SLC12A8: variants seen among roughly 807,000 people sequenced by gnomAD.
SLC12A8 encodes the protein solute carrier family 12 member 8.
A neutral mutation model predicts 75.6 loss-of-function variants in SLC12A8; 69 were observed. The observed-to-expected ratio is 0.91, with a 90% CI of 0.75 to 1.11. SLC12A8 has a LOEUF of 1.11. Among genes scored for constraint, SLC12A8 ranks in the 50% most tolerant of loss-of-function variants. The pLI is 0.00. For synonymous variants in SLC12A8, 365 were observed against 372.8 expected (o/e 0.98, Z 0.24); for missense variants, 877 against 896.7 (o/e 0.98, Z 0.28).
Position 125,211,402 on chromosome 3 carries a change from G to A in SLC12A8, c.-45-8C>T. The A allele has an allele frequency of 6.8e-7, 1 of 1,460,136 alleles. No individual in the cohort carries two copies. Among genetic ancestry groups the A allele is most frequent in the South Asian group, 1.1e-5 (1 of 88,152 alleles). The allele number at this position is 1,460,136 out of a possible 1,614,324, so 90.4% of individuals were successfully genotyped here. ...CTGGACAGGGAGACTGCTCTGGAAG[G>A]TAACAGCATCCTTGGTCAGGCTGGC... On this transcript the variant is annotated splice_region_variant and splice_polypyrimidine_tract_variant and intron_variant, in intron 1 of 13. Transcript: ENST00000469902.
Position 125,190,500 on chromosome 3 carries a change from G to A in SLC12A8, c.73C>T (p.Pro25Ser), listed in dbSNP as rs1934890973. The A allele has an allele frequency of 6.8e-6, 11 of 1,614,166 alleles. No homozygotes were observed. Among genetic ancestry groups the A allele is most frequent in the Non-Finnish European group, 9.3e-6 (11 of 1,180,004 alleles). Residue 25 changes from proline (P) to serine (S), a missense_variant, in exon 3 of 14, where the codon CCC becomes TCC. Physicochemically the swap from Pro to Ser is moderately conservative, Grantham distance 74. Transcript: ENST00000469902. ...ATGAACAGCTGGGTCTTCCACCAGG[G>A]CTGGGGCTGGGCCAGGGCATCCTGC... ...AQQDALAQPQ[P>S]WWKTQLFMWE...
Position 125,083,821 on chromosome 3 carries a change from A to G in SLC12A8, c.*69T>C. On this transcript the variant is annotated 3_prime_UTR_variant, in exon 14 of 14. Coordinates refer to ENST00000469902, the MANE Select transcript of SLC12A8 (RefSeq NM_024628.6). ...TTTCTCAGGTTGGAGAAGCAGCTCC[A>G]CGAAGGTCCTGAGCTTGGGTCCACT... 6.7e-7 allele frequency: 1 copy of G among 1,484,862 alleles called. No individual in the cohort carries two copies. Among genetic ancestry groups the G allele is most frequent in the Non-Finnish European group, 9.2e-7 (1 of 1,092,750 alleles). 92.0% of individuals were successfully genotyped at this position (1,484,862 alleles called of 1,614,324 possible).
At chr3:125,119,017 T>C (rs560674476) in intron 7 of SLC12A8, 161 bp from the exon 8 acceptor site, 2 of 538,150 alleles carry the variant, frequency 3.7e-6, no homozygotes, top group East Asian at 6.2e-5. Flanking sequence ...ACACTTTTTG[T>C]ACTATTTCTC....
At chr3:125,090,217 G>C (rs922674425) in intron 12 of SLC12A8, among the ~76,000 whole-genome samples, 1 of 151,994 alleles carries the variant, frequency 6.6e-6, no homozygotes, top group Non-Finnish European at 1.5e-5. Flanking sequence ...GCTTATTCAA[G>C]GATTTTCTGA....
intron 13 of SLC12A8, among the ~76,000 whole-genome samples, chr3:125,086,810 C>T (rs1020004720): frequency 2.6e-5 from 4 of 152,172 alleles, no homozygotes; most frequent in African/African-American, 9.7e-5. Context: ...TCCCCATGCA[C>T]CCCAGCCTCC....
At chr3:125,140,285 T>C (rs1933597298) in intron 5 of SLC12A8, among the ~76,000 whole-genome samples, 1 of 152,160 alleles carries the variant, frequency 6.6e-6, no homozygotes, top group African/African-American at 2.4e-5. Context: ...ACTTGTACGA[T>C]GACTAACTGA....
At chr3:125,092,865 G>T (rs1471302190) in intron 10 of SLC12A8, among the ~76,000 whole-genome samples, 1 of 152,068 alleles carries the variant, frequency 6.6e-6, no homozygotes, top group African/African-American at 2.4e-5. Flanking sequence ...CTCCAGAAGC[G>T]CTCAATTTAA....
At position 125,187,337 on chromosome 3, in the gene SLC12A8, T is replaced by C. The variant is rs747382625; in HGVS notation, c.290A>G (p.Glu97Gly). 1 of 1,614,020 alleles carries C rather than the reference T, an allele frequency of 6.2e-7. No homozygotes were observed. Among genetic ancestry groups the C allele is most frequent in the Non-Finnish European group, 8.5e-7 (1 of 1,180,026 alleles). ...VTVLSGIGVG[E>G]RSSIGSGGVY... ...GCCACCGCTGCCGATGCTGCTGCGC[T>C]CCCCGACGCCAATGCCAGACAGCAC... The change falls in exon 4 of 14, where the codon GAG becomes GGG. Residue 97 changes from glutamate (E) to glycine (G), a missense_variant. Transcript: ENST00000469902.
chr3:125,164,172 G>A (rs1009191643), intron 5 of SLC12A8, among the ~76,000 whole-genome samples: 2 of 152,330 alleles, frequency 1.3e-5, no homozygotes, highest in South Asian at 2.1e-4. Flanking sequence ...AAAGGAAGCA[G>A]TAAGGAGTTC....
rs768737189 is a variant in SLC12A8, at chr3:125,092,130, T to C, written c.1774A>G (p.Met592Val). ...AACAGGGAGACCCAGGGGTTGCACA[T>C]GTGGGTATAGAAAGAAGTGGATCTT... ...WRRSTSFYTH[M>V]CNPWVSLLGA... The change falls in exon 11 of 14, where the codon ATG (methionine) becomes GTG (valine). Residue 592 changes from methionine (M) to valine (V), a missense_variant. By Grantham distance (21) the Met-to-Val change is conservative (BLOSUM62 1). Transcript: ENST00000469902. The C allele has an allele frequency of 3.1e-6, 5 of 1,612,322 alleles. No individual in the cohort carries two copies. Among genetic ancestry groups the C allele is most frequent in the Non-Finnish European group, 4.2e-6 (5 of 1,178,588 alleles).
intron 10 of SLC12A8, among the ~76,000 whole-genome samples, chr3:125,102,949 C>G (rs981281318): frequency 6.6e-6 from 1 of 152,090 alleles, no homozygotes; most frequent in Non-Finnish European, 1.5e-5. Context: ...CCAGGAAGCA[C>G]CACATCCCAT....
chr3:125,195,417 A>T (rs550637442), intron 2 of SLC12A8, among the ~76,000 whole-genome samples: 5 of 152,302 alleles, frequency 3.3e-5, no homozygotes, highest in African/African-American at 7.2e-5. Flanking sequence ...CAAGGATCCA[A>T]TTGGAGCCGT....
chr3:125,207,223 A>G (rs950518740), intron 2 of SLC12A8, among the ~76,000 whole-genome samples: 1 of 152,172 alleles, frequency 6.6e-6, no homozygotes, highest in Non-Finnish European at 1.5e-5. Context: ...ATAATTAGCC[A>G]GACTTTGGCC....
intron 2 of SLC12A8, among the ~76,000 whole-genome samples, chr3:125,195,595 G>GTTT (rs34837719): frequency 1.0e-3 from 148 of 147,352 alleles, no homozygotes; most frequent in Middle Eastern, 3.5e-3. Context: ...TCAATCTGTT[G>GTTT]TTTTTTTTTT....
chr3:125,150,230 T>C (rs1933886452), intron 5 of SLC12A8, among the ~76,000 whole-genome samples: 2 of 152,178 alleles, frequency 1.3e-5, no homozygotes, highest in Non-Finnish European at 2.9e-5. Context: ...ATTCAAGTCT[T>C]CACATTGAGC....
chr3:125,098,460 T>C (rs1938773516), intron 10 of SLC12A8, among the ~76,000 whole-genome samples: 1 of 152,090 alleles, frequency 6.6e-6, no homozygotes, highest in South Asian at 2.1e-4. Flanking sequence ...AACAGTTTTG[T>C]GTTTCTTGTT....
At chr3:125,118,469 T>TA (rs570128430) in intron 8 of SLC12A8, among the ~76,000 whole-genome samples, 15 of 149,034 alleles carry the variant, frequency 1.0e-4, no homozygotes, top group East Asian at 2.0e-4. Flanking sequence ...ACCAAAAAAT[T>TA]AAAAAAAAAA....
chr3:125,120,059 T>A (rs549585674), intron 7 of SLC12A8, among the ~76,000 whole-genome samples: 1 of 152,232 alleles, frequency 6.6e-6, no homozygotes, highest in African/African-American at 2.4e-5. Flanking sequence ...GGTGCTGAGC[T>A]TCCACTGTGT....
intron 5 of SLC12A8, among the ~76,000 whole-genome samples, chr3:125,166,415 T>G (rs963337715): frequency 6.6e-6 from 1 of 152,196 alleles, no homozygotes; most frequent in Non-Finnish European, 1.5e-5. Context: ...TCTTCATCCC[T>G]ATCCTGGGCC....
Sources: gnomAD v4.1 joint callset for allele counts (sites outside exome capture counted in the v4.1 genomes callset) on GRCh38, gnomAD v4.1.1 for gene constraint, MANE v1.5 for transcripts, NCBI Gene and HGNC (gene_info 2026-07-23, HGNC 2026-07-21) for gene names.